The following CDKL5 variants were observed in gnomAD, a reference collection of about 807,000 sequenced individuals.
The protein encoded by CDKL5 is cyclin dependent kinase like 5.
In CDKL5, 8 loss-of-function variants were observed where a neutral mutation model predicts 61.7. The ratio of observed to expected loss-of-function variants is 0.13; its 90% CI spans 0.08 to 0.23. The LOEUF is 0.23. Among genes scored for constraint, CDKL5 ranks in the 10% least tolerant of loss-of-function variants. The pLI is 1.00. For missense variants in CDKL5, 440 were observed against 734.5 expected (o/e 0.60, Z 4.63); for synonymous variants, 275 against 272.3 (o/e 1.01, Z -0.10).
chrX:18,482,041 T>C (rs1364686426), intron 1 of CDKL5, among the ~76,000 whole-genome samples: 1 of 111,582 alleles, frequency 9.0e-6, no homozygotes. Flanking sequence ...TTCAAATTTT[T>C]CCAACTTGGT....
At chrX:18,599,664 A>G (rs1237470893) in intron 11 of CDKL5, among the ~76,000 whole-genome samples, 1 of 111,072 alleles carries the variant, frequency 9.0e-6, no homozygotes, top group African/African-American at 3.3e-5. Context: ...TGTGTTGCTC[A>G]TGATGGTCTC....
In CDKL5 at chrX:18,506,925, T is replaced by C; in HGVS notation, c.-162-10T>C. 1 of 438,806 alleles carries C rather than the reference T, an allele frequency of 2.3e-6. No individual in the cohort carries two copies. Among genetic ancestry groups the C allele is most frequent in the Non-Finnish European group, 4.0e-6 (1 of 249,557 alleles). The allele number at this position is 438,806 out of a possible 1,213,427, so 36.2% of individuals were successfully genotyped here. On this transcript the variant is annotated splice_polypyrimidine_tract_variant and intron_variant, in intron 1 of 17. Transcript: ENST00000623535. ...AACTTACAGCTTTTAATTGTGTTTG[T>C]TTTTTTCAGGGAGTCATTTAATACT...
chrX:18,653,040 G>T (rs969170728), intron 21 of CDKL5, among the ~76,000 whole-genome samples: 1 of 112,415 alleles, frequency 8.9e-6, no homozygotes, highest in African/African-American at 3.2e-5. Context: ...ATAGTGTTAT[G>T]CATAGATATT....
chrX:18,579,484 C>T (rs1925403261), intron 5 of CDKL5, among the ~76,000 whole-genome samples: 1 of 110,768 alleles, frequency 9.0e-6, no homozygotes, highest in South Asian at 3.8e-4. Flanking sequence ...TGCAGAGATA[C>T]AGCACACTGT....
chrX:18,517,037 A>G (rs1180989974), intron 3 of CDKL5, among the ~76,000 whole-genome samples: 1 of 111,954 alleles, frequency 8.9e-6, no homozygotes, highest in Admixed American at 9.5e-5. Flanking sequence ...GGCCTGACCT[A>G]ACTTTTTTAG....
chrX:18,620,436 A>G (rs913032626), intron 16 of CDKL5, among the ~76,000 whole-genome samples: 3 of 112,195 alleles, frequency 2.7e-5, no homozygotes, highest in Non-Finnish European at 5.6e-5. Flanking sequence ...ATATAGTCAC[A>G]AAGATCGTAT....
In CDKL5 at chrX:18,559,088, G is replaced by A. The variant is rs375860411; in HGVS notation, c.100-5389G>A. On this transcript the variant is annotated intron_variant, in intron 3 of 17. Transcript: ENST00000623535. ...ACCCCAATGAGAAGGATGTGTGCTA[G>A]CAAGCCAGGTTCTAAAATCAGGCTG... Among the ~76,000 whole-genome samples, 129 of 112,909 alleles carry A rather than the reference G, an allele frequency of 1.1e-3. 4 individuals carry two copies. In the South Asian group the frequency reaches 0.043, roughly 37 times the overall value.
chrX:18,629,582 G>T lies in CDKL5; in HGVS notation c.*825G>T. 1 of 744,805 alleles carries T rather than the reference G, an allele frequency of 1.3e-6. No individual in the cohort carries two copies. The highest frequency in any genetic ancestry group is 1.5e-4 in the East Asian group (1 of 6,622). 61.4% of individuals were successfully genotyped at this position (744,805 alleles called of 1,213,427 possible). The stretch of plus-strand genomic sequence containing the variant: ...GTGAGTATTATACTTCTACTAAAGG[G>T]AGTTGAATTGTGGCTACACGTGACT... On this transcript the variant is annotated 3_prime_UTR_variant, in exon 18 of 18. Transcript: ENST00000623535.
At chrX:18,546,770 A>G (rs1924213342) in intron 3 of CDKL5, among the ~76,000 whole-genome samples, 1 of 111,436 alleles carries the variant, frequency 9.0e-6, no homozygotes, top group Non-Finnish European at 1.9e-5. Context: ...CTGGCTGGGA[A>G]GTGAGGCCGC....
At chrX:18,521,603 A>G (rs763871187) in intron 3 of CDKL5, among the ~76,000 whole-genome samples, 61 of 112,487 alleles carry the variant, frequency 5.4e-4, no homozygotes, top group African/African-American at 1.8e-3. Context: ...GTTTTGTTAC[A>G]TGGGTTTATT....
In CDKL5 at chrX:18,587,896, A is replaced by T. The variant is rs1237995977; in HGVS notation, c.555-58A>T. Reference sequence around the variant, plus strand: ...TAAATTTGTTCACAATAATTTGGAAATTATCAAAACATTATATTTTTTCAG... The same window carrying T: ...TAAATTTGTTCACAATAATTTGGAATTTATCAAAACATTATATTTTTTCAG... On this transcript the variant is annotated intron_variant, in intron 8 of 17. Coordinates refer to ENST00000623535, the MANE Select transcript of CDKL5 (RefSeq NM_001323289.2). 5.6e-6 allele frequency: 6 copies of T among 1,077,093 alleles called. No homozygotes were observed. In the Admixed American group the frequency reaches 1.3e-4, roughly 24 times the overall value. 88.8% of individuals were successfully genotyped at this position (1,077,093 alleles called of 1,213,427 possible). A position where few individuals can be genotyped will look rare whatever the true frequency, so the allele number is the denominator to read the frequency against.
intron 1 of CDKL5, among the ~76,000 whole-genome samples, chrX:18,443,259 A>T (rs1261826273): frequency 1.8e-5 from 2 of 111,607 alleles, no homozygotes; most frequent in Non-Finnish European, 3.8e-5. Flanking sequence ...TTTTCCCTTG[A>T]ATGGTTGTTG....
chrX:18,563,048 AAG>A (rs1230271049), intron 3 of CDKL5, among the ~76,000 whole-genome samples: 2 of 112,156 alleles, frequency 1.8e-5, no homozygotes, highest in Admixed American at 9.5e-5. Flanking sequence ...GATGCAATGA[AAG>A]AAATGTATGT....
At chrX:18,509,572 T>C (rs1326514444) in intron 2 of CDKL5, among the ~76,000 whole-genome samples, 1 of 111,686 alleles carries the variant, frequency 9.0e-6, no homozygotes, top group African/African-American at 3.3e-5. Context: ...AGCTCAGCTA[T>C]CATTCATTAC....
chrX:18,523,891 T>A (rs1923340115), intron 3 of CDKL5, among the ~76,000 whole-genome samples: 1 of 112,110 alleles, frequency 8.9e-6, no homozygotes, highest in African/African-American at 3.2e-5. Flanking sequence ...GGTAATTACA[T>A]GTTTAATATT....
chrX:18,551,176 C>T (rs191278619), intron 3 of CDKL5, among the ~76,000 whole-genome samples: 4 of 110,944 alleles, frequency 3.6e-5, no homozygotes, highest in South Asian at 3.8e-4. Flanking sequence ...TATTAATTAC[C>T]GAATCTATAA....
At chrX:18,622,256 A>G (rs1408378099) in intron 16 of CDKL5, among the ~76,000 whole-genome samples, 1 of 112,495 alleles carries the variant, frequency 8.9e-6, no homozygotes, top group East Asian at 2.8e-4. Context: ...ACTTTTTATT[A>G]GGTTTTCATA....
intron 7 of CDKL5, among the ~76,000 whole-genome samples, chrX:18,583,655 G>C (rs1224934589): frequency 1.8e-5 from 2 of 111,565 alleles, no homozygotes; most frequent in Non-Finnish European, 3.8e-5. Flanking sequence ...TGGCTATGCA[G>C]TAGCCCTAAA....
At chrX:18,651,534 T>A (rs1180606042) in intron 21 of CDKL5, among the ~76,000 whole-genome samples, 2 of 110,787 alleles carry the variant, frequency 1.8e-5, no homozygotes, top group African/African-American at 6.6e-5. Flanking sequence ...CTGGGCACGC[T>A]CAGAAAACTT....
Sources: allele counts gnomAD v4.1 joint callset (sites outside exome capture counted in the v4.1 genomes callset), GRCh38; gene constraint gnomAD v4.1.1; transcripts MANE v1.5; gene names NCBI Gene and HGNC (gene_info 2026-07-23, HGNC 2026-07-21).